Variants in CUX2 observed in about 807,000 individuals in gnomAD.
CUX2 encodes the protein homeobox protein cut-like 2.
Under a neutral mutation model 144.8 loss-of-function variants are expected in CUX2, and 40 were observed. The observed-to-expected ratio is 0.28, with a 90% CI of 0.21 to 0.36. The LOEUF is 0.36. CUX2 is among the 10% of genes least tolerant of loss of function. CUX2 has a pLI of 1.00. For synonymous variants in CUX2, 827 were observed against 875.6 expected (o/e 0.94, Z 0.98); for missense variants, 1,615 against 1,994.0 (o/e 0.81, Z 3.62).
intron 1 of CUX2, among the ~76,000 whole-genome samples, chr12:111,135,440 A>G (rs1012484968): frequency 6.6e-6 from 1 of 152,182 alleles, no homozygotes; most frequent in Non-Finnish European, 1.5e-5. Flanking sequence ...AGTAAGTTAA[A>G]CATAGACTTA....
intron 1 of CUX2, among the ~76,000 whole-genome samples, chr12:111,133,880 G>C (rs1875671520): frequency 6.6e-6 from 1 of 152,170 alleles, no homozygotes; most frequent in African/African-American, 2.4e-5. Context: ...GGAAGACTCA[G>C]AGTTTAGGGT....
intron 1 of CUX2, among the ~76,000 whole-genome samples, chr12:111,202,945 A>T (rs563114470): frequency 6.6e-6 from 1 of 152,126 alleles, no homozygotes; most frequent in Non-Finnish European, 1.5e-5. Context: ...TCAAGAATCA[A>T]TAAGGGCTGG....
intron 1 of CUX2, among the ~76,000 whole-genome samples, chr12:111,208,079 G>A (rs1881018138): frequency 6.6e-6 from 1 of 152,118 alleles, no homozygotes; most frequent in Non-Finnish European, 1.5e-5. Context: ...CCAGGAGTGA[G>A]GAGATTGTCC....
intron 18 of CUX2, among the ~76,000 whole-genome samples, chr12:111,328,426 C>T (rs1887915689): frequency 6.6e-6 from 1 of 152,216 alleles, no homozygotes; most frequent in South Asian, 2.1e-4. Context: ...ATAATCGGCG[C>T]TACCTACCGT....
chr12:111,131,040 C>CT (rs1013520451), intron 1 of CUX2, among the ~76,000 whole-genome samples: 3 of 152,138 alleles, frequency 2.0e-5, no homozygotes, highest in African/African-American at 7.2e-5. Flanking sequence ...TCATGGGTCA[C>CT]TTTTTTTATG....
At position 111,295,725 on chromosome 12, in the gene CUX2, C is replaced by T. The variant is rs780443432; in HGVS notation, c.637+316C>T. 2.0e-5 allele frequency among the ~76,000 whole-genome samples: 3 copies of T among 151,652 alleles called. No homozygotes were observed. Among genetic ancestry groups the T allele is most frequent in the Non-Finnish European group, 4.4e-5 (3 of 67,972 alleles). Reference sequence around the variant, plus strand: ...TTGAACCCCAGAGTTTGAGACCAGCCTGGGCAACATGGCAAGACCCTGTCT... The same window carrying T: ...TTGAACCCCAGAGTTTGAGACCAGCTTGGGCAACATGGCAAGACCCTGTCT... On this transcript the variant is annotated intron_variant, in intron 7 of 21. Coordinates refer to ENST00000261726, the MANE Select transcript of CUX2 (RefSeq NM_015267.4). This position sits in a 1 kb window ranked among gnomAD's most constrained non-coding sequence, Gnocchi z 5.0.
At chr12:111,120,647 A>C (rs1036520344) in intron 1 of CUX2, among the ~76,000 whole-genome samples, 3 of 151,478 alleles carry the variant, frequency 2.0e-5, no homozygotes, top group Non-Finnish European at 4.4e-5. Flanking sequence ...AGACCTGCTG[A>C]ATAAGGAAGG....
At chr12:111,191,653 T>G (rs892097307) in intron 1 of CUX2, among the ~76,000 whole-genome samples, 4 of 152,226 alleles carry the variant, frequency 2.6e-5, no homozygotes, top group African/African-American at 9.6e-5. Context: ...ATGACTGGTC[T>G]GCCCGTGCCC....
chr12:111,044,999 A>G (rs1869927490), intron 1 of CUX2, among the ~76,000 whole-genome samples: 2 of 152,264 alleles, frequency 1.3e-5, no homozygotes. Context: ...GCTGCAGGCC[A>G]TAAGCGATGA....
At position 111,066,203 on chromosome 12, in the gene CUX2, G is replaced by C. The variant is rs909266903; in HGVS notation, c.63+31963G>C. ...TTGGTTCACATACTTAGCAGTCTGA[G>C]TGAGTTCCCTCTTCAGTTTTGGCCC... On this transcript the variant is annotated intron_variant, in intron 1 of 21. Transcript: ENST00000261726. Among the ~76,000 whole-genome samples, 8 of 152,184 alleles carry C rather than the reference G, an allele frequency of 5.3e-5. No individual in the cohort carries two copies. The South Asian group carries it at 1.0e-3, about 20-fold the overall frequency.
chr12:111,335,622 G>A lies in CUX2; in HGVS notation c.3196+912G>A, dbSNP rs374615464. ...GCAACTCAGGAGGCTGAGGAGAATC[G>A]TTTGAATCCAGGAGGTGGAGGTTGC... On this transcript the variant is annotated intron_variant, in intron 19 of 21. Coordinates refer to ENST00000261726, the MANE Select transcript of CUX2 (RefSeq NM_015267.4). Among the ~76,000 whole-genome samples, 6 of 151,874 alleles carry A rather than the reference G, an allele frequency of 4.0e-5. No homozygotes were observed. In the East Asian group the frequency reaches 5.8e-4, roughly 15 times the overall value.
chr12:111,215,810 C>T (rs1387549099), intron 2 of CUX2, among the ~76,000 whole-genome samples: 2 of 152,228 alleles, frequency 1.3e-5, no homozygotes, highest in Non-Finnish European at 2.9e-5. Context: ...TCTAGCCCAA[C>T]TGACTTTCTT....
chr12:111,069,635 GC>G (rs1202587981), intron 1 of CUX2, among the ~76,000 whole-genome samples: 6 of 151,744 alleles, frequency 4.0e-5, no homozygotes, highest in Non-Finnish European at 7.4e-5. Flanking sequence ...TCTTTCTGAG[GC>G]CTCTCTTATT....
intron 1 of CUX2, among the ~76,000 whole-genome samples, chr12:111,133,161 G>A (rs1239161931): frequency 6.6e-6 from 1 of 152,074 alleles, no homozygotes; most frequent in African/African-American, 2.4e-5. Context: ...GTCTCTAGGA[G>A]GTTCCAAACA....
At chr12:111,116,089 G>T (rs1202186422) in intron 1 of CUX2, among the ~76,000 whole-genome samples, 2 of 152,176 alleles carry the variant, frequency 1.3e-5, no homozygotes, top group Non-Finnish European at 2.9e-5. Context: ...CTGCTGATAT[G>T]CATTATATGT....
At chr12:111,329,857 G>A (rs182562048) in intron 18 of CUX2, among the ~76,000 whole-genome samples, 9 of 152,154 alleles carry the variant, frequency 5.9e-5, no homozygotes, top group East Asian at 1.9e-4. Context: ...GGCTGGTCTC[G>A]AACCCCTGAC....
At chr12:111,113,285 G>T (rs1874092775) in intron 1 of CUX2, among the ~76,000 whole-genome samples, 1 of 152,166 alleles carries the variant, frequency 6.6e-6, no homozygotes, top group East Asian at 1.9e-4. Context: ...CTAAGCAGGG[G>T]ATGAGATGAC....
Position 111,312,792 on chromosome 12 carries a change from A to G in CUX2, c.2002+591A>G, listed in dbSNP as rs1238363777. ...CATGCCTGTCACATGAACTGTTCAT[A>G]GTCATGCCCAGCTGCCGTGCACTCC... On this transcript the variant is annotated intron_variant, in intron 16 of 21. Transcript: ENST00000261726. This position sits in a 1 kb window ranked among gnomAD's most constrained non-coding sequence, Gnocchi z 4.3. 6.6e-6 allele frequency among the ~76,000 whole-genome samples: 1 copy of G among 152,046 alleles called. No individual in the cohort carries two copies. Among genetic ancestry groups the G allele is most frequent in the East Asian group, 1.9e-4 (1 of 5,186 alleles).
chr12:111,138,851 C>T (rs1317483303), intron 1 of CUX2, among the ~76,000 whole-genome samples: 1 of 152,048 alleles, frequency 6.6e-6, no homozygotes, highest in Non-Finnish European at 1.5e-5. Flanking sequence ...TGGGACTGCA[C>T]TATGGTACCA....
Sources: gnomAD v4.1 joint callset for allele counts (sites outside exome capture counted in the v4.1 genomes callset) on GRCh38, gnomAD v4.1.1 for gene constraint, Gnocchi (gnomAD v3.1) non-coding constraint, MANE v1.5 for transcripts, NCBI Gene and HGNC (gene_info 2026-07-23, HGNC 2026-07-21) for gene names.